The following MACROD2 variants were observed in gnomAD, a reference collection of about 807,000 sequenced individuals.
MACROD2 encodes the protein ADP-ribose glycohydrolase MACROD2.
In MACROD2, 36 loss-of-function variants were observed where a neutral mutation model predicts 70.4. That is an observed-to-expected ratio of 0.51 (90% confidence interval 0.39 to 0.68). The LOEUF (loss-of-function observed/expected upper bound fraction) is 0.68. Ranked by LOEUF, MACROD2 falls within the 30% of genes least tolerant of loss-of-function variation. MACROD2 has a pLI of 0.00. For missense variants in MACROD2, 496 were observed against 538.4 expected, an observed-to-expected ratio of 0.92 and a Z score of 0.78; for synonymous variants, 172 against 178.8, an observed-to-expected ratio of 0.96 and a Z score of 0.30.
At chr20:15,642,677 T>C (rs1177326884) in intron 8 of MACROD2, among the ~76,000 whole-genome samples, 1 of 151,490 alleles carries the variant, frequency 6.6e-6, no homozygotes, top group African/African-American at 2.4e-5. Flanking sequence ...AAATAATACA[T>C]AAATAAAAAT....
At chr20:15,032,756 C>T (rs2075285380) in intron 5 of MACROD2, among the ~76,000 whole-genome samples, 1 of 152,108 alleles carries the variant, frequency 6.6e-6, no homozygotes, top group African/African-American at 2.4e-5. Flanking sequence ...AAACAGGGAC[C>T]CAAATAGATA....
intron 5 of MACROD2, among the ~76,000 whole-genome samples, chr20:15,119,543 C>A (rs1336216888): frequency 2.6e-5 from 4 of 152,060 alleles, no homozygotes; most frequent in Non-Finnish European, 5.9e-5. Flanking sequence ...AACTGCATGA[C>A]TAACAAGAAC....
chr20:14,114,523 G>A (rs934161010), intron 3 of MACROD2, among the ~76,000 whole-genome samples: 2 of 152,110 alleles, frequency 1.3e-5, no homozygotes, highest in Non-Finnish European at 2.9e-5. Context: ...GGCATCTGTA[G>A]CTCTGAGAGG....
At chr20:15,773,803 A>G (rs746700185) in intron 8 of MACROD2, among the ~76,000 whole-genome samples, 15 of 152,280 alleles carry the variant, frequency 9.9e-5, no homozygotes, top group Admixed American at 2.6e-4. Context: ...TATGAACAGC[A>G]TTGTCCTTAA....
At chr20:14,344,454 T>C (rs1381538037) in intron 3 of MACROD2, among the ~76,000 whole-genome samples, 1 of 152,234 alleles carries the variant, frequency 6.6e-6, no homozygotes. Flanking sequence ...ATATGTTATA[T>C]ATTAACTAGA....
chr20:15,376,678 T>C (rs2146270013), intron 6 of MACROD2, among the ~76,000 whole-genome samples: 1 of 152,262 alleles, frequency 6.6e-6, no homozygotes, highest in East Asian at 1.9e-4. Context: ...GATTAGGGGA[T>C]TATAAAATGT....
intron 6 of MACROD2, among the ~76,000 whole-genome samples, chr20:15,419,193 C>T (rs762338719): frequency 6.6e-6 from 1 of 152,172 alleles, no homozygotes; most frequent in Non-Finnish European, 1.5e-5. Context: ...CGGGGTTGCT[C>T]TCCAGATGGT....
rs532583750 is a variant in MACROD2 at position 14,176,257 on chromosome 20, CT to C, written c.271+90531del. ...AGAAGGCATTTTTCCAAATGTAGAGCTTCTGCAAGTCTTCAAAATAATTAAA... is the reference window on the plus strand; with the variant it reads ...AGAAGGCATTTTTCCAAATGTAGAGCTCTGCAAGTCTTCAAAATAATTAAA... On this transcript the variant is annotated intron_variant, in intron 3 of 17. Transcript: ENST00000684519. Among the ~76,000 whole-genome samples, 180 of 152,276 alleles carry C rather than the reference CT, an allele frequency of 1.2e-3. 1 individual carries two copies. The highest frequency in any genetic ancestry group is 4.0e-3 in the African/African-American group (168 of 41,558).
chr20:15,020,482 C>T (rs2075156762), intron 5 of MACROD2, among the ~76,000 whole-genome samples: 1 of 152,080 alleles, frequency 6.6e-6, no homozygotes, highest in South Asian at 2.1e-4. Flanking sequence ...CACCATATTG[C>T]TAAGTGAAGG....
At chr20:15,400,014 C>T (rs2045908732) in intron 6 of MACROD2, among the ~76,000 whole-genome samples, 1 of 152,154 alleles carries the variant, frequency 6.6e-6, no homozygotes, top group African/African-American at 2.4e-5. Flanking sequence ...TGACCAGGAA[C>T]CACGCTGGCT....
chr20:14,546,830 G>T (rs1401160627), intron 4 of MACROD2, among the ~76,000 whole-genome samples: 1 of 152,076 alleles, frequency 6.6e-6, no homozygotes, highest in Admixed American at 6.6e-5. Flanking sequence ...TAGCAAAAAT[G>T]TGTGTTTATG....
chr20:15,198,983 A>G (rs1206205705), intron 5 of MACROD2, among the ~76,000 whole-genome samples: 1 of 149,946 alleles, frequency 6.7e-6, no homozygotes, highest in African/African-American at 2.5e-5. Context: ...ATTTTTTTTC[A>G]AATGTGAATT....
chr20:14,258,772 A>G (rs2082078222), intron 3 of MACROD2, among the ~76,000 whole-genome samples: 2 of 152,050 alleles, frequency 1.3e-5, no homozygotes, highest in African/African-American at 4.8e-5. Flanking sequence ...GTTCTTTGTC[A>G]TGAACTCTCC....
chr20:15,142,107 G>T (rs1186198146), intron 5 of MACROD2, among the ~76,000 whole-genome samples: 1 of 152,152 alleles, frequency 6.6e-6, no homozygotes, highest in Non-Finnish European at 1.5e-5. Flanking sequence ...GTGCATACCT[G>T]TAGTACCTGT....
intron 6 of MACROD2, among the ~76,000 whole-genome samples, chr20:15,237,064 G>A (rs1332577050): frequency 1.3e-5 from 2 of 152,152 alleles, no homozygotes; most frequent in Non-Finnish European, 2.9e-5. Flanking sequence ...GTTGTGACAT[G>A]TGGTCTGGCC....
chr20:14,639,260 T>G (rs1984961236), intron 4 of MACROD2, among the ~76,000 whole-genome samples: 1 of 152,104 alleles, frequency 6.6e-6, no homozygotes, highest in Non-Finnish European at 1.5e-5. Context: ...TAAGCTTAAT[T>G]TTTTTTAATA....
intron 10 of MACROD2, among the ~76,000 whole-genome samples, chr20:15,926,192 C>T (rs1452787364): frequency 1.3e-5 from 2 of 152,146 alleles, no homozygotes; most frequent in African/African-American, 2.4e-5. Flanking sequence ...GATCTTATGT[C>T]GGGGCCAGCA....
At chr20:14,633,029 A>G (rs1341511787) in intron 4 of MACROD2, among the ~76,000 whole-genome samples, 2 of 152,232 alleles carry the variant, frequency 1.3e-5, no homozygotes, top group East Asian at 1.9e-4. Context: ...GCGGTGTGGA[A>G]GTCCAGATGT....
chr20:15,766,675 C>G (rs893133770), intron 8 of MACROD2, among the ~76,000 whole-genome samples: 3 of 152,178 alleles, frequency 2.0e-5, no homozygotes, highest in Non-Finnish European at 4.4e-5. Context: ...AGGGAGATGA[C>G]TCAAGCCATC....
Sources: allele counts gnomAD v4.1 joint callset (sites outside exome capture counted in the v4.1 genomes callset), GRCh38; gene constraint gnomAD v4.1.1; transcripts MANE v1.5; gene names NCBI Gene and HGNC (gene_info 2026-07-23, HGNC 2026-07-21).